MTCL1: variants seen among roughly 807,000 people sequenced by gnomAD.
MTCL1 encodes the protein microtubule cross-linking factor 1.
MTCL1 carries 79 observed loss-of-function variants against 141.4 expected under a neutral mutation model. That is an observed-to-expected ratio of 0.56 (90% CI 0.47 to 0.67). The LOEUF is 0.67. Among genes scored for constraint, MTCL1 ranks in the 30% least tolerant of loss-of-function variants. The pLI is 0.00. For synonymous variants in MTCL1, 914 were observed against 875.8 expected (o/e 1.04, Z -0.77); for missense variants, 2,177 against 2,113.9 (o/e 1.03, Z -0.59).
chr18:8,759,486 C>G (rs1188976295), intron 4 of MTCL1, among the ~76,000 whole-genome samples: 2 of 152,314 alleles, frequency 1.3e-5, no homozygotes, highest in East Asian at 3.9e-4. Flanking sequence ...TTAATCCTTT[C>G]CCGCTGTGCT....
chr18:8,764,171 G>A (rs897473332), intron 4 of MTCL1, among the ~76,000 whole-genome samples: 32 of 152,208 alleles, frequency 2.1e-4, no homozygotes, highest in South Asian at 6.2e-4. Context: ...TTGAAAAAAA[G>A]GAGGGGGTGA....
At chr18:8,714,949 A>G (rs1046828005), upstream of MTCL1, among the ~76,000 whole-genome samples, 2 of 152,004 alleles carry the variant, frequency 1.3e-5, no homozygotes, top group African/African-American at 2.4e-5. Context: ...GGTGCCCGCC[A>G]CCACGCCTGG....
At chr18:8,824,823 G>A (rs1334303131) in exon 15 of MTCL1, 5 of 1,614,082 alleles carry the variant, frequency 3.1e-6, no homozygotes, top group East Asian at 4.5e-5. Flanking sequence ...GTCTCCAGAC[G>A]ACCTCAAGTA....
chr18:8,786,329 A>G lies in MTCL1; in HGVS notation c.1887+238A>G, dbSNP rs964252941. ...GACAGAGGGACAGCTCACTGTAGGC[A>G]CTGTCCACCTCCTGTTTCCGCAGAC... On this transcript the variant is annotated intron_variant, in intron 7 of 16. Coordinates refer to ENST00000359865, the Ensembl canonical transcript of MTCL1. 8.7e-6 allele frequency: 6 copies of G among 692,230 alleles called. No homozygotes were observed. In the African/African-American group the frequency reaches 8.8e-5, roughly 10 times the overall value. The allele number at this position is 692,230 out of a possible 1,614,324, so 42.9% of individuals were successfully genotyped here.
chr18:8,773,266 G>A (rs147420315), intron 4 of MTCL1, among the ~76,000 whole-genome samples: 97 of 152,170 alleles, frequency 6.4e-4, no homozygotes, highest in African/African-American at 2.2e-3. Flanking sequence ...GCCATGCTGC[G>A]GGTTTCTCAT....
intron 3 of MTCL1, among the ~76,000 whole-genome samples, chr18:8,719,426 C>T (rs899926308): frequency 1.3e-5 from 2 of 152,320 alleles, no homozygotes; most frequent in Admixed American, 6.5e-5. Context: ...ATTTCTCTTA[C>T]AAGGCCTCTT....
At chr18:8,819,357 C>G (rs890637932) in intron 13 of MTCL1, 98 bp downstream of exon 12, 1 of 1,348,330 alleles carries the variant, frequency 7.4e-7, no homozygotes, top group South Asian at 1.4e-5. Flanking sequence ...CTGGCAGGCT[C>G]TAGCACTTTT....
intron 4 of MTCL1, among the ~76,000 whole-genome samples, chr18:8,736,420 T>C (rs1299343091): frequency 6.6e-6 from 1 of 152,136 alleles, no homozygotes; most frequent in Non-Finnish European, 1.5e-5. Flanking sequence ...TTAAACATAC[T>C]CAGAATACTT....
intron 7 of MTCL1, chr18:8,786,624 ACACAAGGCTTCAGC>A (rs767786063): frequency 3.1e-5 from 10 of 324,072 alleles, no homozygotes; most frequent in Non-Finnish European, 6.1e-5. Context: ...AACCCGGTAT[ACACAAGGCTTCAGC>A]CACCACAGAG....
Position 8,822,612 on chromosome 18 carries a change from G to A in MTCL1, c.3188+1114G>A, listed in dbSNP as rs933203719. Among the ~76,000 whole-genome samples the A allele has an allele frequency of 3.9e-5, 6 of 152,168 alleles. No individual in the cohort carries two copies. Among genetic ancestry groups the A allele is most frequent in the Non-Finnish European group, 5.9e-5 (4 of 68,040 alleles). ...AGCCCAAACTGCCTGGGTTTGAATC[G>A]CTTCTGCCTCCTTGGGTAGGTTACT... On this transcript the variant is annotated intron_variant, in intron 14 of 16. Coordinates refer to ENST00000359865, the Ensembl canonical transcript of MTCL1. The surrounding 1 kb of genome is among the most constrained non-coding windows in gnomAD (Gnocchi z 4.6).
At chr18:8,807,973 T>A (rs1192555805) in intron 11 of MTCL1, among the ~76,000 whole-genome samples, 5 of 150,464 alleles carry the variant, frequency 3.3e-5, no homozygotes, top group Non-Finnish European at 7.4e-5. Context: ...TGTCACATGG[T>A]CTTGATAAAA....
intron 12 of MTCL1, among the ~76,000 whole-genome samples, chr18:8,814,089 C>T (rs968063745): frequency 6.6e-6 from 1 of 152,180 alleles, no homozygotes; most frequent in Non-Finnish European, 1.5e-5. Context: ...CCTCATTACT[C>T]TATTTTAAAT....
chr18:8,782,569 C>T (rs1355002741), intron 5 of MTCL1: 1 of 152,204 alleles, frequency 6.6e-6, no homozygotes, highest in Non-Finnish European at 1.5e-5. Flanking sequence ...GCAGAGTCAG[C>T]TTTTGAGGAT....
Position 8,822,278 on chromosome 18 carries a change from G to T in MTCL1, c.3188+780G>T, listed in dbSNP as rs1451126811. ...TCAGGCTCTAGAGCCAAACTGCCTG[G>T]GTTGGTTGGTTGGTTGGTTGGTTGG... is the stretch of plus-strand genomic sequence containing the variant. On this transcript the variant is annotated intron_variant, in intron 14 of 16. Coordinates refer to ENST00000359865, the Ensembl canonical transcript of MTCL1. The surrounding 1 kb of genome is among the most constrained non-coding windows in gnomAD (Gnocchi z 4.6). Among the ~76,000 whole-genome samples, 1 of 145,354 alleles carries T rather than the reference G, an allele frequency of 6.9e-6. No homozygotes were observed. The highest frequency in any genetic ancestry group is 1.5e-5 in the Non-Finnish European group (1 of 67,556).
chr18:8,730,085 ATTG>A (rs1413921593), intron 4 of MTCL1, among the ~76,000 whole-genome samples: 1 of 152,126 alleles, frequency 6.6e-6, no homozygotes, highest in African/African-American at 2.4e-5. Context: ...TTACTTTTGC[ATTG>A]TTGTCAAAAA....
At chr18:8,718,989 C>T (rs868475111) in intron 3 of MTCL1, among the ~76,000 whole-genome samples, 4 of 151,124 alleles carry the variant, frequency 2.6e-5, no homozygotes, top group Admixed American at 6.6e-5. Flanking sequence ...TCAGTGTAGT[C>T]AAAGGCCACT....
At chr18:8,829,876 C>G in intron 16 of MTCL1, 1 of 985,212 alleles carries the variant, frequency 1.0e-6, no homozygotes, top group Non-Finnish European at 1.2e-6. Flanking sequence ...AAGGTTGATT[C>G]CCTTGAATGC....
chr18:8,775,989 G>T (rs773386569), intron 4 of MTCL1, among the ~76,000 whole-genome samples: 6 of 152,218 alleles, frequency 3.9e-5, no homozygotes, highest in Non-Finnish European at 8.8e-5. Flanking sequence ...TTCTGAGAGT[G>T]AGGCACTTAA....
chr18:8,823,301 G>A (rs1375141696), intron 14 of MTCL1, among the ~76,000 whole-genome samples: 1 of 152,138 alleles, frequency 6.6e-6, no homozygotes, highest in Non-Finnish European at 1.5e-5. Context: ...CCATGCCCCA[G>A]AGGCACTGAG....
Sources: allele counts gnomAD v4.1 joint callset (sites outside exome capture counted in the v4.1 genomes callset), GRCh38; gene constraint gnomAD v4.1.1; non-coding constraint Gnocchi (gnomAD v3.1); transcripts MANE v1.5; gene names NCBI Gene and HGNC (gene_info 2026-07-23, HGNC 2026-07-21).